PKP2: variants seen among roughly 807,000 people sequenced by gnomAD.
The protein encoded by PKP2 is plakophilin 2.
Under a neutral mutation model 83.4 loss-of-function variants are expected in PKP2, and 73 were observed. That is an observed-to-expected ratio of 0.88 (90% CI 0.72 to 1.06). PKP2 has a LOEUF of 1.06. Ranked by LOEUF, PKP2 falls within the 50% of genes least tolerant of loss-of-function variation. The pLI is 0.00. For synonymous variants in PKP2, 409 were observed against 430.4 expected (o/e 0.95, Z 0.62); for missense variants, 966 against 1,065.4 (o/e 0.91, Z 1.30).
chr12:32,796,555 T>C (rs1956127022), intron 10 of PKP2, among the ~76,000 whole-genome samples: 1 of 151,886 alleles, frequency 6.6e-6, no homozygotes, highest in South Asian at 2.1e-4. Context: ...GCTAATTTTT[T>C]TATTTTTTTA....
At chr12:32,858,150 A>G (rs561021901) in intron 4 of PKP2, among the ~76,000 whole-genome samples, 12 of 108,786 alleles carry the variant, frequency 1.1e-4, no homozygotes, top group African/African-American at 3.6e-4. Flanking sequence ...ATATATATAT[A>G]TAAATATATA....
At chr12:32,853,737 C>G (rs1173930382) in intron 4 of PKP2, among the ~76,000 whole-genome samples, 1 of 152,120 alleles carries the variant, frequency 6.6e-6, no homozygotes, top group Admixed American at 6.5e-5. Context: ...TCTCGAACTC[C>G]CAACCTCAGG....
chr12:32,873,441 C>T (rs1389794206), intron 3 of PKP2, among the ~76,000 whole-genome samples: 1 of 151,922 alleles, frequency 6.6e-6, no homozygotes, highest in African/African-American at 2.4e-5. Context: ...TAATATGTAT[C>T]ACACAACCTA....
In PKP2 at chr12:32,841,114, G is replaced by C; in HGVS notation, c.1470C>G (p.Pro490=). The C allele has an allele frequency of 1.2e-6, 2 of 1,613,518 alleles. No individual in the cohort carries two copies. Among genetic ancestry groups the C allele is most frequent in the African/African-American group, 1.3e-5 (1 of 75,040 alleles). ...AGTCTCCTTCAGGCCACCCAGAAAAGGGGATGATGATATTCTCCGTCAGCG... is the reference window on the plus strand; with the variant it reads ...AGTCTCCTTCAGGCCACCCAGAAAACGGGATGATGATATTCTCCGTCAGCG... ...LLTLTENIII[P]FSGWPEGDYP... is the part of the protein sequence containing the mutation. Residue 490 remains proline, a synonymous_variant, in exon 6 of 13, where the codon CCC becomes CCG. Transcript: ENST00000340811.
intron 4 of PKP2, among the ~76,000 whole-genome samples, chr12:32,858,048 G>A (rs1315829309): frequency 9.6e-6 from 1 of 103,918 alleles, no homozygotes; most frequent in Non-Finnish European, 1.8e-5. Flanking sequence ...GGGAACACAG[G>A]GAGACCCCAT....
intron 9 of PKP2, among the ~76,000 whole-genome samples, chr12:32,815,690 A>G (rs1045109225): frequency 6.6e-6 from 1 of 152,228 alleles, no homozygotes; most frequent in African/African-American, 2.4e-5. Flanking sequence ...ATCATACTAT[A>G]CTATTTAATG....
intron 1 of PKP2, among the ~76,000 whole-genome samples, chr12:32,892,517 T>C (rs191990927): frequency 3.2e-4 from 49 of 152,032 alleles, no homozygotes; most frequent in African/African-American, 1.2e-3. Flanking sequence ...GGTTTCACCA[T>C]GTTGGCCAGG....
At chr12:32,880,512 G>C (rs1956975600) in intron 1 of PKP2, among the ~76,000 whole-genome samples, 1 of 152,194 alleles carries the variant, frequency 6.6e-6, no homozygotes, top group Non-Finnish European at 1.5e-5. Context: ...CAACAGGAGA[G>C]TTAGGCAGGA....
In PKP2 at chr12:32,869,006, T is replaced by A. The variant is rs763114466; in HGVS notation, c.1091A>T (p.His364Leu). ...AGCAGAAATCCTGGATGGCAGCATG[T>A]GGTCTGCCTCGAGCATACTCACTGC... ...ERAVSMLEADHMLPSRISAAA... is the reference protein window; with the variant it reads ...ERAVSMLEADLMLPSRISAAA... Residue 364 changes from histidine (H) to leucine (L), a missense_variant, in exon 4 of 13, where the codon CAC becomes CTC. Transcript: ENST00000340811. 2.5e-6 allele frequency: 4 copies of A among 1,613,610 alleles called. No homozygotes were observed.
At chr12:32,814,887 T>C (rs555898003) in intron 9 of PKP2, among the ~76,000 whole-genome samples, 1 of 151,858 alleles carries the variant, frequency 6.6e-6, no homozygotes, top group Non-Finnish European at 1.5e-5. Flanking sequence ...ATCGTGCCAC[T>C]GGACTCCACC....
At chr12:32,835,145 C>A (rs1380871686) in intron 6 of PKP2, among the ~76,000 whole-genome samples, 2 of 151,608 alleles carry the variant, frequency 1.3e-5, no homozygotes, top group Non-Finnish European at 2.9e-5. Context: ...GCTCTGCCTC[C>A]CGGGTTCAAG....
intron 10 of PKP2, among the ~76,000 whole-genome samples, chr12:32,797,364 T>C (rs1956135397): frequency 7.1e-6 from 1 of 140,090 alleles, no homozygotes; most frequent in Non-Finnish European, 1.5e-5. Flanking sequence ...AAGAATTGCT[T>C]GAGCTTGGGA....
At chr12:32,829,182 C>A (rs1565583195) in intron 6 of PKP2, among the ~76,000 whole-genome samples, 1 of 151,904 alleles carries the variant, frequency 6.6e-6, no homozygotes, top group Non-Finnish European at 1.5e-5. Context: ...CCAGCCTGGC[C>A]CCCAAAGTGC....
chr12:32,877,579 C>T (rs1415903974), intron 3 of PKP2, among the ~76,000 whole-genome samples: 1 of 152,154 alleles, frequency 6.6e-6, no homozygotes, highest in Non-Finnish European at 1.5e-5. Flanking sequence ...GGGGTAGGGT[C>T]CCTTCAGCCA....
intron 10 of PKP2, among the ~76,000 whole-genome samples, chr12:32,796,647 C>T (rs945965423): frequency 6.6e-6 from 1 of 152,150 alleles, no homozygotes; most frequent in Non-Finnish European, 1.5e-5. Flanking sequence ...GATCCGCCAG[C>T]CTCGGCCTCC....
At chr12:32,870,801 A>G (rs749884301) in intron 3 of PKP2, among the ~76,000 whole-genome samples, 16 of 152,084 alleles carry the variant, frequency 1.1e-4, no homozygotes, top group Non-Finnish European at 2.1e-4. Context: ...TTGAGCCATT[A>G]ATCCATTTCA....
At chr12:32,835,533 GAA>G (rs1043034102) in intron 6 of PKP2, among the ~76,000 whole-genome samples, 5 of 121,988 alleles carry the variant, frequency 4.1e-5, no homozygotes, top group Admixed American at 9.4e-5. Flanking sequence ...CACTGAAGAA[GAA>G]AAAGAGGAAA....
chr12:32,805,967 G>C (rs1956221617), intron 9 of PKP2, among the ~76,000 whole-genome samples: 1 of 152,126 alleles, frequency 6.6e-6, no homozygotes, highest in South Asian at 2.1e-4. Flanking sequence ...CATCTATTGA[G>C]ATCATGTGGT....
At chr12:32,812,651 C>T (rs1416492688) in intron 9 of PKP2, among the ~76,000 whole-genome samples, 1 of 152,036 alleles carries the variant, frequency 6.6e-6, no homozygotes, top group Non-Finnish European at 1.5e-5. Context: ...TACAGGCGCC[C>T]ACCACCATGC....
Sources: allele counts gnomAD v4.1 joint callset (sites outside exome capture counted in the v4.1 genomes callset), GRCh38; gene constraint gnomAD v4.1.1; transcripts MANE v1.5; gene names NCBI Gene and HGNC (gene_info 2026-07-23, HGNC 2026-07-21).